Variants in PDE4D observed in about 807,000 individuals in gnomAD.
PDE4D encodes phosphodiesterase 4D.
Under a neutral mutation model 87.4 loss-of-function variants are expected in PDE4D, and 24 were observed. That is an observed-to-expected ratio of 0.27 (90% CI 0.20 to 0.39). PDE4D has a LOEUF of 0.39. Ranked by LOEUF, PDE4D falls within the 10% of genes least tolerant of loss-of-function variation. PDE4D has a pLI of 1.00. For missense variants in PDE4D, 714 were observed against 1,041.0 expected, an observed-to-expected ratio of 0.69 and a Z score of 4.32; for synonymous variants, 384 against 383.2, an observed-to-expected ratio of 1.00 and a Z score of -0.02.
chr5:59,562,151 TTTG>T (rs1394482769), intron 1 of PDE4D, among the ~76,000 whole-genome samples: 1 of 152,102 alleles, frequency 6.6e-6, no homozygotes, highest in African/African-American at 2.4e-5. Flanking sequence ...TTTGTTTTGT[TTTG>T]TTTTTTTCAG....
intron 3 of PDE4D, among the ~76,000 whole-genome samples, chr5:59,190,736 TAAGAG>T (rs1744123574): frequency 6.6e-6 from 1 of 152,200 alleles, no homozygotes; most frequent in Non-Finnish European, 1.5e-5. Context: ...CAACAGGGTT[TAAGAG>T]AAGGCCACTC....
chr5:59,425,066 A>G (rs1795004249), intron 1 of PDE4D, among the ~76,000 whole-genome samples: 1 of 152,226 alleles, frequency 6.6e-6, no homozygotes, highest in Non-Finnish European at 1.5e-5. Flanking sequence ...TGAAAGAATA[A>G]TAAGCCCTGA....
intron 3 of PDE4D, among the ~76,000 whole-genome samples, chr5:59,920,472 A>G (rs1213689377): frequency 6.6e-6 from 1 of 152,144 alleles, no homozygotes; most frequent in Non-Finnish European, 1.5e-5. Context: ...CTAAAAATAT[A>G]TTGGAAAACC....
chr5:59,059,106 T>C (rs1474523739), intron 5 of PDE4D, among the ~76,000 whole-genome samples: 3 of 152,204 alleles, frequency 2.0e-5, no homozygotes, highest in Non-Finnish European at 4.4e-5. Flanking sequence ...TTCCTTTTAC[T>C]ACTGGGATGT....
intron 1 of PDE4D, among the ~76,000 whole-genome samples, chr5:59,514,039 T>A (rs985119915): frequency 6.6e-6 from 1 of 151,880 alleles, no homozygotes. Flanking sequence ...TTAAATGAAA[T>A]CATGAAGCAA....
intron 1 of PDE4D, among the ~76,000 whole-genome samples, chr5:59,502,232 C>G (rs1194664813): frequency 6.6e-6 from 1 of 152,078 alleles, no homozygotes; most frequent in Non-Finnish European, 1.5e-5. Context: ...ATGTGGAACA[C>G]CTGTGGTCAA....
chr5:59,217,369 T>C (rs775253796), intron 1 of PDE4D: 1 of 436,006 alleles, frequency 2.3e-6, no homozygotes, highest in South Asian at 1.7e-5. Context: ...AACATTCCTT[T>C]ATTTTCTTTA....
chr5:60,339,099 T>C (rs1256149390), intron 1 of PDE4D, among the ~76,000 whole-genome samples: 1 of 152,234 alleles, frequency 6.6e-6, no homozygotes, highest in Non-Finnish European at 1.5e-5. Flanking sequence ...AAAACTGGCA[T>C]GAATTTCTTT....
intron 5 of PDE4D, among the ~76,000 whole-genome samples, chr5:59,070,863 A>T (rs2153417353): frequency 6.6e-6 from 1 of 152,204 alleles, no homozygotes; most frequent in Admixed American, 6.5e-5. Flanking sequence ...GGCCTCTTTG[A>T]CCTGGATTGG....
chr5:58,977,688 T>C (rs1430252784), intron 11 of PDE4D, among the ~76,000 whole-genome samples: 3 of 152,092 alleles, frequency 2.0e-5, no homozygotes, highest in Admixed American at 6.6e-5. Flanking sequence ...CTATAACACA[T>C]CCAGAGCATA....
chr5:59,330,730 A>C (rs578067566), intron 1 of PDE4D, among the ~76,000 whole-genome samples: 4 of 152,228 alleles, frequency 2.6e-5, no homozygotes, highest in Admixed American at 2.6e-4. Context: ...TTGAAATTTC[A>C]TATGTAGACT....
intron 1 of PDE4D, among the ~76,000 whole-genome samples, chr5:59,360,224 A>C (rs2153592308): frequency 6.6e-6 from 1 of 152,324 alleles, no homozygotes; most frequent in African/African-American, 2.4e-5. Flanking sequence ...TTACTTGCGC[A>C]TCAAGTCTCT....
At chr5:59,800,623 C>G (rs975617473) in intron 1 of PDE4D, among the ~76,000 whole-genome samples, 5 of 151,906 alleles carry the variant, frequency 3.3e-5, no homozygotes, top group Non-Finnish European at 7.4e-5. Context: ...CCACCCCTAC[C>G]CCCCTACTAT....
upstream of PDE4D, among the ~76,000 whole-genome samples, chr5:60,492,844 A>G (rs943125655): frequency 6.6e-6 from 1 of 152,070 alleles, no homozygotes; most frequent in East Asian, 1.9e-4. Flanking sequence ...ATGCCTATGT[A>G]ACAAATCTGC....
intron 1 of PDE4D, among the ~76,000 whole-genome samples, chr5:59,780,103 C>T (rs549470200): frequency 6.6e-6 from 1 of 152,222 alleles, no homozygotes; most frequent in Admixed American, 6.5e-5. Context: ...GTGGCTCACG[C>T]CTGTAATCCC....
At chr5:59,790,659 G>T (rs1356804676) in intron 1 of PDE4D, among the ~76,000 whole-genome samples, 1 of 151,892 alleles carries the variant, frequency 6.6e-6, no homozygotes, top group Admixed American at 6.6e-5. Context: ...TCCTCTCTTT[G>T]TCCTTATTTT....
intron 3 of PDE4D, among the ~76,000 whole-genome samples, chr5:59,927,107 G>T (rs1027228598): frequency 6.6e-6 from 1 of 152,190 alleles, no homozygotes; most frequent in African/African-American, 2.4e-5. Flanking sequence ...AATTTAGCTT[G>T]TTTATGATGC....
chr5:59,349,251 G>A (rs1002933417), intron 1 of PDE4D, among the ~76,000 whole-genome samples: 2 of 152,090 alleles, frequency 1.3e-5, no homozygotes, highest in Admixed American at 6.6e-5. Context: ...AATTAAAAAG[G>A]CTTGTCAATT....
chr5:60,521,285 C>G (rs914108524), intron 1 of PDE4D: 1 of 152,006 alleles, frequency 6.6e-6, no homozygotes, highest in African/African-American at 2.4e-5. Context: ...GTCTGAGACA[C>G]AAAAAAGGAC....
Sources: allele counts gnomAD v4.1 joint callset (sites outside exome capture counted in the v4.1 genomes callset), GRCh38; gene constraint gnomAD v4.1.1; transcripts MANE v1.5; gene names NCBI Gene and HGNC (gene_info 2026-07-23, HGNC 2026-07-21).